Variants in ACO1 observed in about 807,000 individuals in gnomAD.
ACO1 encodes cytoplasmic aconitate hydratase.
In ACO1, 78 loss-of-function variants were observed where a neutral mutation model predicts 105.1. The ratio of observed to expected loss-of-function variants is 0.74; its 90% CI spans 0.62 to 0.90. The LOEUF is 0.90. ACO1 is among the 40% of genes least tolerant of loss of function. The pLI, the probability that ACO1 is intolerant of heterozygous loss-of-function variation, is 0.00. For missense variants in ACO1, 965 were observed against 1,111.1 expected (o/e 0.87, Z 1.87); for synonymous variants, 364 against 397.4 (o/e 0.92, Z 1.00).
At position 32,434,703 on chromosome 9, in the gene ACO1, T is replaced by C. The variant is rs1212382651; in HGVS notation, c.2099+2T>C. 2 of 1,613,702 alleles carry C rather than the reference T, an allele frequency of 1.2e-6. No individual in the cohort carries two copies. Among genetic ancestry groups the C allele is most frequent in the East Asian group, 4.5e-5 (2 of 44,862 alleles). On this transcript the variant is annotated splice_donor_variant, in intron 17 of 20. Transcript: ENST00000309951. LOFTEE classifies it high-confidence loss of function. ...TGCTCGCTACTTAACTAACAGAGGG[T>C]AAGTATGAATGAGGCAGGAAGGACT...
At chr9:32,402,820 T>C (rs930029440) in intron 1 of ACO1, among the ~76,000 whole-genome samples, 2 of 152,194 alleles carry the variant, frequency 1.3e-5, no homozygotes, top group Non-Finnish European at 2.9e-5. Flanking sequence ...GGGTGGAACC[T>C]TGAAGTGGCT....
chr9:32,390,521 G>C (rs1412828922), intron 1 of ACO1, among the ~76,000 whole-genome samples: 1 of 152,182 alleles, frequency 6.6e-6, no homozygotes, highest in Non-Finnish European at 1.5e-5. Context: ...AGGAATGTGT[G>C]CCTATCTTCT....
chr9:32,388,528 CAA>C (rs563967613), intron 1 of ACO1, among the ~76,000 whole-genome samples: 1 of 142,644 alleles, frequency 7.0e-6, no homozygotes. Flanking sequence ...GACCCTGTCT[CAA>C]AAAAAAAAAA....
chr9:32,416,027 A>T (rs2118448324), intron 4 of ACO1, among the ~76,000 whole-genome samples: 1 of 152,250 alleles, frequency 6.6e-6, no homozygotes, highest in African/African-American at 2.4e-5. Flanking sequence ...CTATTAAAGC[A>T]ACCAACACTT....
intron 1 of ACO1, among the ~76,000 whole-genome samples, chr9:32,389,317 C>T (rs897479509): frequency 6.6e-6 from 1 of 152,070 alleles, no homozygotes; most frequent in Admixed American, 6.6e-5. Flanking sequence ...TTTAGATTTT[C>T]TTCATTTTAG....
chr9:32,395,242 G>A (rs1490678608), intron 1 of ACO1, among the ~76,000 whole-genome samples: 4 of 152,282 alleles, frequency 2.6e-5, no homozygotes, highest in Non-Finnish European at 4.4e-5. Context: ...TTGGGAGGCC[G>A]AGATGGGCGG....
At chr9:32,428,861 C>T (rs371131508) in intron 12 of ACO1, among the ~76,000 whole-genome samples, 28 of 151,700 alleles carry the variant, frequency 1.8e-4, no homozygotes, top group African/African-American at 6.5e-4. Flanking sequence ...AAAAAGTCAG[C>T]GTGAGTTTGT....
In ACO1 at chr9:32,454,602, C is replaced by T. The variant is rs1309315353; in HGVS notation, c.*4491C>T. On this transcript the variant is annotated 3_prime_UTR_variant, in exon 21 of 21. Coordinates refer to ENST00000309951, the MANE Select transcript of ACO1 (RefSeq NM_002197.3). Reference sequence around the variant, plus strand: ...TCCCCAGTTGTTTCTAAAATGTGGCCTTTGTTCTAGAAATGCAATGACCAG... The same window carrying T: ...TCCCCAGTTGTTTCTAAAATGTGGCTTTTGTTCTAGAAATGCAATGACCAG... 2 of 152,170 alleles carry T rather than the reference C, an allele frequency of 1.3e-5. No individual in the cohort carries two copies. Among genetic ancestry groups the T allele is most frequent in the Admixed American group, 6.5e-5 (1 of 15,270 alleles). 9.4% of individuals were successfully genotyped at this position (152,170 alleles called of 1,614,324 possible). A position where few individuals can be genotyped will look rare whatever the true frequency, so the allele number is the denominator to read the frequency against.
intron 1 of ACO1, among the ~76,000 whole-genome samples, chr9:32,398,114 T>C (rs1821410263): frequency 6.6e-6 from 1 of 152,210 alleles, no homozygotes; most frequent in South Asian, 2.1e-4. Flanking sequence ...GTGGAAATCC[T>C]GTGATTGCTT....
chr9:32,405,990 T>C lies in ACO1; in HGVS notation c.97+387T>C, dbSNP rs1333881541. On this transcript the variant is annotated intron_variant, in intron 2 of 20. Coordinates refer to ENST00000309951, the MANE Select transcript of ACO1 (RefSeq NM_002197.3). ...AGGACAAGAACACAGTCTTTTTTATTCCAAATTCCGTCCTTTTTCTGCCTT... is the reference window on the plus strand; with the variant it reads ...AGGACAAGAACACAGTCTTTTTTATCCCAAATTCCGTCCTTTTTCTGCCTT... 2.0e-5 allele frequency among the ~76,000 whole-genome samples: 3 copies of C among 152,240 alleles called. No homozygotes were observed. In the East Asian group the frequency reaches 5.8e-4, roughly 29 times the overall value.
intron 1 of ACO1, among the ~76,000 whole-genome samples, chr9:32,389,669 C>T (rs78252346): frequency 9.7e-5 from 14 of 143,652 alleles, no homozygotes; most frequent in East Asian, 2.0e-4. Flanking sequence ...GCCTTCATTT[C>T]TTTTTTTTTT....
Position 32,407,412 on chromosome 9 carries a change from C to A in ACO1, c.249C>A (p.Val83=). The change falls in exon 3 of 21, where the codon GTC becomes GTA. Residue 83 remains valine, a synonymous_variant. Coordinates refer to ENST00000309951, the MANE Select transcript of ACO1 (RefSeq NM_002197.3). ...NIEVPFKPAR[V]ILQDFTGVPA... ...AAGTGCCATTTAAGCCTGCTCGTGT[C>A]ATCCTGCAGGACTTTACGTGAGCCT... 6.2e-7 allele frequency: 1 copy of A among 1,613,886 alleles called. No homozygotes were observed. The highest frequency in any genetic ancestry group is 1.1e-5 in the South Asian group (1 of 91,050).
At chr9:32,407,172 T>C in intron 2 of ACO1, 89 bp from the exon 3 acceptor site, 3 of 1,196,014 alleles carry the variant, frequency 2.5e-6, no homozygotes, top group Non-Finnish European at 3.6e-6. Context: ...GTCTGATGCC[T>C]CATATCAACT....
At chr9:32,408,926 G>A (rs1057340168) in intron 4 of ACO1, among the ~76,000 whole-genome samples, 1 of 152,166 alleles carries the variant, frequency 6.6e-6, no homozygotes, top group African/African-American at 2.4e-5. Flanking sequence ...ACACACACAT[G>A]AAGTTCTGCC....
chr9:32,425,877 A>G lies in ACO1; in HGVS notation c.1228A>G (p.Asn410Asp). Residue 410 changes from asparagine (N) to aspartate (D), a missense_variant, in exon 11 of 21, where the codon AAT becomes GAT. Coordinates refer to ENST00000309951, the MANE Select transcript of ACO1 (RefSeq NM_002197.3). The part of the protein sequence containing the change: ...KGFQVAPEHH[N>D]DHKTFIYDNT... ...ATTCCAAGTTGCTCCTGAACATCATAATGACCATAAGACCTTTATCTATGA... is the reference window on the plus strand; with the variant it reads ...ATTCCAAGTTGCTCCTGAACATCATGATGACCATAAGACCTTTATCTATGA... 6.2e-7 allele frequency: 1 copy of G among 1,613,854 alleles called. No homozygotes were observed. The highest frequency in any genetic ancestry group is 8.5e-7 in the Non-Finnish European group (1 of 1,179,814).
chr9:32,384,906 G>A (rs540435302), intron 1 of ACO1, among the ~76,000 whole-genome samples, 171 bp downstream of exon 1: 1 of 152,366 alleles, frequency 6.6e-6, no homozygotes, highest in East Asian at 1.9e-4. Flanking sequence ...TGTTTCTGGC[G>A]ACTGACGTCT....
At chr9:32,440,203 G>A (rs1361576173) in intron 18 of ACO1, among the ~76,000 whole-genome samples, 3 of 152,006 alleles carry the variant, frequency 2.0e-5, no homozygotes, top group Non-Finnish European at 4.4e-5. Context: ...GGGAGGTGGA[G>A]GTTGCAGTGA....
chr9:32,452,757 A>C lies in ACO1; in HGVS notation c.*2646A>C, dbSNP rs904517218. On this transcript the variant is annotated 3_prime_UTR_variant, in exon 21 of 21. Transcript: ENST00000309951. ...GGCTGGAGGGTTGCTTGAGCCCAGA[A>C]GTTTGAGACCAGCCTGGGCAACACT... 1 of 151,938 alleles carries C rather than the reference A, an allele frequency of 6.6e-6. No homozygotes were observed. Among genetic ancestry groups the C allele is most frequent in the Non-Finnish European group, 1.5e-5 (1 of 68,044 alleles). 9.4% of individuals were successfully genotyped at this position (151,938 alleles called of 1,614,324 possible).
intron 1 of ACO1, among the ~76,000 whole-genome samples, chr9:32,396,110 C>G (rs748690688): frequency 6.6e-6 from 1 of 152,206 alleles, no homozygotes; most frequent in African/African-American, 2.4e-5. Context: ...CTGAGAATTT[C>G]CAGTGTTACT....
Sources: gnomAD v4.1 joint callset for allele counts (sites outside exome capture counted in the v4.1 genomes callset) on GRCh38, gnomAD v4.1.1 for gene constraint, MANE v1.5 for transcripts, NCBI Gene and HGNC (gene_info 2026-07-23, HGNC 2026-07-21) for gene names.